TMEM117: variants seen among roughly 807,000 people sequenced by gnomAD.
The protein encoded by TMEM117 is transmembrane protein 117.
In TMEM117, 27 loss-of-function variants were observed where a neutral mutation model predicts 52.4. The ratio of observed to expected loss-of-function variants is 0.51; its 90% confidence interval spans 0.38 to 0.71. The LOEUF (loss-of-function observed/expected upper bound fraction) is 0.71. Among genes scored for constraint, TMEM117 ranks in the 30% least tolerant of loss-of-function variants. TMEM117 has a pLI of 0.00. For synonymous variants in TMEM117, 215 were observed against 206.3 expected (o/e 1.04, Z -0.36); for missense variants, 556 against 630.5 (o/e 0.88, Z 1.26).
chr12:44,039,847 G>A (rs1025298383), intron 3 of TMEM117, among the ~76,000 whole-genome samples: 2 of 152,022 alleles, frequency 1.3e-5, no homozygotes, highest in African/African-American at 4.8e-5. Context: ...GCTTCTCCTT[G>A]ATATAAATGA....
chr12:44,198,899 AT>A (rs1244167007), intron 4 of TMEM117, among the ~76,000 whole-genome samples: 2 of 152,192 alleles, frequency 1.3e-5, no homozygotes, highest in Non-Finnish European at 2.9e-5. Flanking sequence ...CATAAAAAAA[AT>A]GGAGTCATTT....
At chr12:44,074,264 C>A (rs1301051125) in intron 3 of TMEM117, among the ~76,000 whole-genome samples, 8 of 152,102 alleles carry the variant, frequency 5.3e-5, no homozygotes, top group African/African-American at 1.9e-4. Flanking sequence ...TCAAAGGGGA[C>A]TTTTATTAAT....
intron 2 of TMEM117, among the ~76,000 whole-genome samples, chr12:43,933,226 G>A (rs1183557226): frequency 2.7e-5 from 4 of 150,828 alleles, no homozygotes; most frequent in African/African-American, 7.3e-5. Flanking sequence ...TTTCGAGACG[G>A]AGTCTTACTG....
At chr12:44,252,410 A>C (rs1191451138) in intron 5 of TMEM117, among the ~76,000 whole-genome samples, 1 of 152,188 alleles carries the variant, frequency 6.6e-6, no homozygotes, top group East Asian at 1.9e-4. Flanking sequence ...AGGCTGAGGC[A>C]GGAGAATCGC....
intron 3 of TMEM117, among the ~76,000 whole-genome samples, chr12:43,944,807 A>G (rs1241710754): frequency 1.3e-5 from 2 of 152,082 alleles, no homozygotes; most frequent in Non-Finnish European, 2.9e-5. Context: ...TTTGTTATAA[A>G]TAGGTTGTTT....
chr12:44,348,510 A>G (rs367921265), intron 6 of TMEM117, among the ~76,000 whole-genome samples: 35 of 152,096 alleles, frequency 2.3e-4, no homozygotes, highest in African/African-American at 8.2e-4. Context: ...ACACATTCTG[A>G]TAATACGTTC....
intron 3 of TMEM117, among the ~76,000 whole-genome samples, chr12:44,041,540 G>A (rs1004019306): frequency 7.2e-5 from 11 of 151,958 alleles, no homozygotes; most frequent in African/African-American, 1.2e-4. Context: ...TGGATAAACC[G>A]CATCTGGGGT....
chr12:44,152,098 TATA>T (rs1368234115), intron 4 of TMEM117, among the ~76,000 whole-genome samples: 1 of 112,618 alleles, frequency 8.9e-6, no homozygotes, highest in Admixed American at 1.1e-4. Context: ...TAAACATAAA[TATA>T]TAATATATAA....
chr12:44,198,891 TA>T (rs1017849075), intron 4 of TMEM117, among the ~76,000 whole-genome samples: 5 of 151,956 alleles, frequency 3.3e-5, no homozygotes, highest in South Asian at 2.1e-4. Flanking sequence ...CAATCAAACA[TA>T]AAAAAAATGG....
At chr12:44,271,591 A>T (rs890981093) in intron 5 of TMEM117, among the ~76,000 whole-genome samples, 2 of 152,108 alleles carry the variant, frequency 1.3e-5, no homozygotes, top group Non-Finnish European at 1.5e-5. Flanking sequence ...TATCATATTT[A>T]AAAATCCACT....
intron 4 of TMEM117, among the ~76,000 whole-genome samples, chr12:44,204,090 A>G (rs993286023): frequency 6.6e-6 from 1 of 152,108 alleles, no homozygotes; most frequent in Non-Finnish European, 1.5e-5. Context: ...TCCTAGCCAA[A>G]GCAATCAGGG....
At chr12:44,368,015 G>A (rs534778578) in intron 6 of TMEM117, among the ~76,000 whole-genome samples, 3 of 151,922 alleles carry the variant, frequency 2.0e-5, no homozygotes, top group Non-Finnish European at 4.4e-5. Context: ...TCACGCTCCC[G>A]TGACCATTGT....
chr12:44,265,488 A>C (rs2138551833), intron 5 of TMEM117, among the ~76,000 whole-genome samples: 1 of 152,302 alleles, frequency 6.6e-6, no homozygotes, highest in Non-Finnish European at 1.5e-5. Flanking sequence ...AGGCTATGTC[A>C]GTGGTTTGGG....
intron 3 of TMEM117, among the ~76,000 whole-genome samples, chr12:43,971,975 A>T (rs2137693868): frequency 6.6e-6 from 1 of 152,310 alleles, no homozygotes; most frequent in East Asian, 1.9e-4. Flanking sequence ...AATATTTTAG[A>T]TACCTCATAT....
intron 6 of TMEM117, among the ~76,000 whole-genome samples, chr12:44,314,953 A>G (rs1435811521): frequency 1.3e-5 from 2 of 152,052 alleles, no homozygotes; most frequent in African/African-American, 2.4e-5. Context: ...GGTATGTTCA[A>G]TGTTTCAATT....
At chr12:44,095,555 G>T (rs77002463) in intron 3 of TMEM117, among the ~76,000 whole-genome samples, 3 of 151,972 alleles carry the variant, frequency 2.0e-5, no homozygotes, top group African/African-American at 7.3e-5. Context: ...TAGTACAGAA[G>T]TGAGAAGAAA....
intron 6 of TMEM117, among the ~76,000 whole-genome samples, chr12:44,340,546 C>A (rs889541201): frequency 3.3e-5 from 5 of 152,046 alleles, no homozygotes; most frequent in African/African-American, 4.8e-5. Context: ...GCTACAGAGG[C>A]CCTTTCCTCT....
intron 4 of TMEM117, among the ~76,000 whole-genome samples, chr12:44,167,764 T>G (rs1948988934): frequency 6.6e-6 from 1 of 152,178 alleles, no homozygotes; most frequent in Admixed American, 6.5e-5. Flanking sequence ...TGAGTCTTAG[T>G]TTCTTCCCTA....
chr12:43,985,494 A>G (rs1392603787), intron 3 of TMEM117, among the ~76,000 whole-genome samples: 1 of 152,200 alleles, frequency 6.6e-6, no homozygotes, highest in African/African-American at 2.4e-5. Flanking sequence ...ATTAGTGAAG[A>G]GCATAACTTT....
Sources: gnomAD v4.1 joint callset for allele counts (sites outside exome capture counted in the v4.1 genomes callset) on GRCh38, gnomAD v4.1.1 for gene constraint, MANE v1.5 for transcripts, NCBI Gene and HGNC (gene_info 2026-07-23, HGNC 2026-07-21) for gene names.